Variants in ABL1 observed in about 807,000 individuals in gnomAD.
ABL1 encodes tyrosine-protein kinase ABL1.
In ABL1, 11 loss-of-function variants were observed where a neutral mutation model predicts 94.7. That is an observed-to-expected ratio of 0.12 (90% CI 0.07 to 0.19). ABL1 has a LOEUF of 0.19. ABL1 is among the 10% of genes least tolerant of loss of function. ABL1 has a pLI of 1.00. For missense variants in ABL1, 1,082 were observed against 1,489.4 expected (o/e 0.73, Z 4.50); for synonymous variants, 656 against 622.4 (o/e 1.05, Z -0.80).
chr9:130,724,103 C>G (rs547024863), intron 1 of ABL1, among the ~76,000 whole-genome samples: 16 of 151,644 alleles, frequency 1.1e-4, no homozygotes, highest in Non-Finnish European at 2.2e-4. Flanking sequence ...AGCCACCATG[C>G]GTGGCCTTTT....
chr9:130,765,323 T>G (rs901816229), intron 1 of ABL1, among the ~76,000 whole-genome samples: 1 of 152,208 alleles, frequency 6.6e-6, no homozygotes, highest in African/African-American at 2.4e-5. Flanking sequence ...GGGGGCCACC[T>G]GGGTGCTGCT....
intron 6 of ABL1, among the ~76,000 whole-genome samples, chr9:130,873,326 T>C (rs1466896433): frequency 6.6e-6 from 1 of 152,238 alleles, no homozygotes; most frequent in Non-Finnish European, 1.5e-5. Context: ...AAGTGGAATA[T>C]TAAATGAAGT....
At chr9:130,876,600 T>C (rs1831348201) in intron 7 of ABL1, among the ~76,000 whole-genome samples, 1 of 151,870 alleles carries the variant, frequency 6.6e-6, no homozygotes, top group Non-Finnish European at 1.5e-5. Flanking sequence ...TTTGTATTTT[T>C]AGTAAAGATG....
intron 1 of ABL1, among the ~76,000 whole-genome samples, chr9:130,729,431 C>G (rs945266657): frequency 1.3e-4 from 20 of 152,200 alleles, no homozygotes; most frequent in African/African-American, 4.8e-4. Context: ...CTACCTGCCT[C>G]AGCATCCTCA....
chr9:130,741,491 T>C (rs192210026), intron 1 of ABL1, among the ~76,000 whole-genome samples: 1 of 151,802 alleles, frequency 6.6e-6, no homozygotes, highest in Non-Finnish European at 1.5e-5. Context: ...GTATACCAGC[T>C]ACCATGCCAG....
At chr9:130,735,974 A>G (rs1208334700) in intron 1 of ABL1, among the ~76,000 whole-genome samples, 1 of 53,782 alleles carries the variant, frequency 1.9e-5, no homozygotes, top group African/African-American at 1.7e-4. Flanking sequence ...TTTTTTTTTT[A>G]AGACAGGGTC....
intron 1 of ABL1, among the ~76,000 whole-genome samples, chr9:130,845,553 C>T (rs1283231857): frequency 6.6e-6 from 1 of 151,904 alleles, no homozygotes; most frequent in Non-Finnish European, 1.5e-5. Flanking sequence ...AGACGACCTC[C>T]CAAAGTGCTG....
Position 130,885,792 on chromosome 9 carries a change from GC to G in ABL1, c.*112del. On this transcript the variant is annotated 3_prime_UTR_variant, in exon 11 of 11. Transcript: ENST00000318560. ...AAGGGACTAGTGAGTCAGCACCTTG[GC>G]CCAGGAGCTCTGCGCCAGGCAGAGC... The G allele has an allele frequency of 7.1e-7, 1 of 1,402,332 alleles. No homozygotes were observed. Among genetic ancestry groups the G allele is most frequent in the Non-Finnish European group, 9.5e-7 (1 of 1,054,286 alleles). The allele number at this position is 1,402,332 out of a possible 1,614,324, so 86.9% of individuals were successfully genotyped here. A position where few individuals can be genotyped will look rare whatever the true frequency, so the allele number is the denominator to read the frequency against.
intron 1 of ABL1, among the ~76,000 whole-genome samples, chr9:130,719,488 G>A (rs945987385): frequency 6.6e-6 from 1 of 152,076 alleles, no homozygotes; most frequent in Non-Finnish European, 1.5e-5. Context: ...GAGATTGCAC[G>A]CCACTGCACT....
At chr9:130,736,578 G>C (rs758972495) in intron 1 of ABL1, among the ~76,000 whole-genome samples, 3 of 150,728 alleles carry the variant, frequency 2.0e-5, no homozygotes, top group Admixed American at 6.6e-5. Flanking sequence ...CGCAACCTCC[G>C]CCTCCTAGGT....
intron 1 of ABL1, among the ~76,000 whole-genome samples, chr9:130,766,136 C>T (rs937297184): frequency 6.6e-6 from 1 of 152,194 alleles, no homozygotes; most frequent in African/African-American, 2.4e-5. Context: ...GGGCCCCGGG[C>T]CGTGGCATGC....
intron 1 of ABL1, among the ~76,000 whole-genome samples, chr9:130,778,902 C>T (rs1249692168): frequency 6.6e-6 from 1 of 151,954 alleles, no homozygotes; most frequent in Non-Finnish European, 1.5e-5. Flanking sequence ...ACCAAATATA[C>T]TTTAACCCCT....
At chr9:130,720,154 A>C (rs1421181821) in intron 1 of ABL1, among the ~76,000 whole-genome samples, 1 of 152,232 alleles carries the variant, frequency 6.6e-6, no homozygotes, top group African/African-American at 2.4e-5. Context: ...ATATATTTGT[A>C]AACAAAACAA....
chr9:130,767,011 G>C (rs956667463), intron 1 of ABL1, among the ~76,000 whole-genome samples: 15 of 152,150 alleles, frequency 9.9e-5, no homozygotes, highest in Non-Finnish European at 1.8e-4. Context: ...CACTCCCTTT[G>C]TTTACTGCCA....
Position 130,862,803 on chromosome 9 carries a change from A to G in ABL1, c.590A>G (p.Glu197Gly), listed in dbSNP as rs776806158. Residue 197 changes from glutamate (E) to glycine (G), a missense_variant, in exon 4 of 11, where the codon GAG becomes GGG. Coordinates refer to ENST00000318560, the MANE Select transcript of ABL1 (RefSeq NM_005157.6). This position sits in a 1 kb window ranked among gnomAD's most constrained non-coding sequence, Gnocchi z 5.5. ...GAGAGCCGCTTCAACACCCTGGCCGAGTTGGTTCATCATCATTCAACGGTG... is the reference window on the plus strand; with the variant it reads ...GAGAGCCGCTTCAACACCCTGGCCGGGTTGGTTCATCATCATTCAACGGTG... Reference protein sequence around the residue: ...SSESRFNTLAELVHHHSTVAD... With the variant: ...SSESRFNTLAGLVHHHSTVAD... The G allele has an allele frequency of 5.0e-6, 8 of 1,613,142 alleles. No homozygotes were observed. Among genetic ancestry groups the G allele is most frequent in the Non-Finnish European group, 5.9e-6 (7 of 1,179,830 alleles).
chr9:130,877,808 ATT>A (rs34577725), intron 7 of ABL1, among the ~76,000 whole-genome samples: 12 of 129,298 alleles, frequency 9.3e-5, no homozygotes, highest in Admixed American at 2.3e-4. Context: ...ACCTGGCTAA[ATT>A]TTTTTTTTTT....
chr9:130,841,144 A>G (rs1003599588), intron 1 of ABL1, among the ~76,000 whole-genome samples: 5 of 150,138 alleles, frequency 3.3e-5, no homozygotes, highest in African/African-American at 1.2e-4. Flanking sequence ...TCCCACAAAA[A>G]TCTCATTTCT....
intron 1 of ABL1, among the ~76,000 whole-genome samples, chr9:130,719,269 C>A (rs866162919): frequency 2.0e-5 from 3 of 152,134 alleles, no homozygotes; most frequent in Admixed American, 1.3e-4. Context: ...TGGCTCATGC[C>A]TATAATCCCA....
chr9:130,780,722 G>A (rs899181221), intron 1 of ABL1, among the ~76,000 whole-genome samples: 61 of 152,302 alleles, frequency 4.0e-4, no homozygotes, highest in African/African-American at 1.4e-3. Context: ...GAGACATTTG[G>A]GCTGGAATTC....
Sources: allele counts gnomAD v4.1 joint callset (sites outside exome capture counted in the v4.1 genomes callset), GRCh38; gene constraint gnomAD v4.1.1; non-coding constraint Gnocchi (gnomAD v3.1); transcripts MANE v1.5; gene names NCBI Gene and HGNC (gene_info 2026-07-23, HGNC 2026-07-21).